XRN2: variants seen among roughly 807,000 people sequenced by gnomAD.
XRN2 encodes 5'-3' exoribonuclease 2.
A neutral mutation model predicts 138.5 loss-of-function variants in XRN2; 44 were observed. The ratio of observed to expected loss-of-function variants is 0.32; its 90% CI spans 0.25 to 0.41. The LOEUF (loss-of-function observed/expected upper bound fraction) is 0.41. Ranked by LOEUF, XRN2 falls within the 10% of genes least tolerant of loss-of-function variation. The pLI is 1.00. For synonymous variants in XRN2, 354 were observed against 369.4 expected (o/e 0.96, Z 0.48); for missense variants, 937 against 1,169.3 (o/e 0.80, Z 2.90).
At chr20:21,359,476 C>T (rs2038612604) in intron 24 of XRN2, among the ~76,000 whole-genome samples, 1 of 149,348 alleles carries the variant, frequency 6.7e-6, no homozygotes. Context: ...GCCGAGGCCT[C>T]AGTGAGCCAA....
intron 28 of XRN2, among the ~76,000 whole-genome samples, chr20:21,384,351 A>G (rs2038915722): frequency 6.6e-6 from 1 of 152,234 alleles, no homozygotes; most frequent in Non-Finnish European, 1.5e-5. Flanking sequence ...CGATTTTACC[A>G]TATGCATACA....
chr20:21,304,459 T>G (rs570133135), intron 1 of XRN2, among the ~76,000 whole-genome samples: 1 of 152,304 alleles, frequency 6.6e-6, no homozygotes, highest in African/African-American at 2.4e-5. Flanking sequence ...ACTGCTAAAT[T>G]GAATACTTGT....
Position 21,340,766 on chromosome 20 carries a change from G to T in XRN2, c.1324G>T (p.Ala442Ser), listed in dbSNP as rs778441866. Residue 442 changes from alanine (A) to serine (S), a missense_variant, in exon 15 of 30, where the codon GCC becomes TCC. By Grantham distance (99) the Ala-to-Ser change is moderately conservative (BLOSUM62 1). Coordinates refer to ENST00000377191, the MANE Select transcript of XRN2 (RefSeq NM_012255.5). ...TCCTAGTGGAATATTAACTCCTCAT[G>T]CCTTGGGTTCAAGAAATTCACCAGG... ...FTPSGILTPH[A>S]LGSRNSPGSQ... 3 of 1,613,930 alleles carry T rather than the reference G, an allele frequency of 1.9e-6. No individual in the cohort carries two copies. Among genetic ancestry groups the T allele is most frequent in the African/African-American group, 1.3e-5 (1 of 75,020 alleles).
At chr20:21,328,291 G>A (rs1197214850) in intron 3 of XRN2, among the ~76,000 whole-genome samples, 1 of 152,108 alleles carries the variant, frequency 6.6e-6, no homozygotes, top group Non-Finnish European at 1.5e-5. Context: ...AGACTGGGAG[G>A]GCTTGAAGTA....
In XRN2 at chr20:21,342,442, G is replaced by A. The variant is rs775755137; in HGVS notation, c.1410+1590G>A. ...TATTTTTGTTGGTAGAGACAGCAGC[G>A]GAGATTTAGCATTAAATGGTGAACA... On this transcript the variant is annotated intron_variant, in intron 15 of 29. Transcript: ENST00000377191. Among the ~76,000 whole-genome samples the A allele has an allele frequency of 1.9e-4, 29 of 152,180 alleles. 1 individual carries two copies. Among genetic ancestry groups the A allele is most frequent in the Admixed American group, 1.5e-3 (23 of 15,274 alleles).
intron 29 of XRN2, among the ~76,000 whole-genome samples, chr20:21,387,459 T>C (rs929014830): frequency 6.6e-6 from 1 of 152,214 alleles, no homozygotes; most frequent in African/African-American, 2.4e-5. Context: ...TCATCTGATA[T>C]CCCTCCTCAT....
chr20:21,370,871 G>A (rs1161552286), intron 27 of XRN2, among the ~76,000 whole-genome samples: 3 of 152,154 alleles, frequency 2.0e-5, no homozygotes, highest in Non-Finnish European at 4.4e-5. Flanking sequence ...TCATGTGCCA[G>A]TGTTTGTTTC....
At chr20:21,389,168 C>T (rs1405776513) in intron 29 of XRN2, 105 bp from the exon 30 acceptor site, 1 of 1,006,978 alleles carries the variant, frequency 9.9e-7, no homozygotes, top group African/African-American at 1.6e-5. Context: ...ACCTTTAACA[C>T]ATACTCAGTT....
chr20:21,337,254 A>G (rs754724317), intron 13 of XRN2, among the ~76,000 whole-genome samples: 1 of 152,254 alleles, frequency 6.6e-6, no homozygotes, highest in Non-Finnish European at 1.5e-5. Flanking sequence ...CCTTTTTTAC[A>G]GTAATCCAAG....
rs562600081 is a variant in XRN2 at position 21,370,254 on chromosome 20, A to G, written c.2584+1664A>G. ...CCGGTACCATACTGTTGTGGTTACT[A>G]TTGCTCTGTAGTATAATTTGAAGTC... On this transcript the variant is annotated intron_variant, in intron 27 of 29. Coordinates refer to ENST00000377191, the MANE Select transcript of XRN2 (RefSeq NM_012255.5). Among the ~76,000 whole-genome samples the G allele has an allele frequency of 1.7e-3, 259 of 152,192 alleles. 1 individual carries two copies. Among genetic ancestry groups the G allele is most frequent in the African/African-American group, 5.6e-3 (233 of 41,552 alleles).
At chr20:21,309,322 TC>T (rs1371757101) in intron 1 of XRN2, among the ~76,000 whole-genome samples, 1 of 152,234 alleles carries the variant, frequency 6.6e-6, no homozygotes. Flanking sequence ...AAATTAAGTT[TC>T]TTTAGTTGAT....
At chr20:21,324,016 G>C (rs2038084717) in intron 1 of XRN2, among the ~76,000 whole-genome samples, 1 of 152,150 alleles carries the variant, frequency 6.6e-6, no homozygotes, top group African/African-American at 2.4e-5. Flanking sequence ...TGGGCCGTTG[G>C]ACAGGATGAA....
chr20:21,373,312 A>G (rs1420067611), intron 27 of XRN2, among the ~76,000 whole-genome samples: 1 of 152,188 alleles, frequency 6.6e-6, no homozygotes. Context: ...CCAGCAGTTC[A>G]TCTGTTTTCA....
chr20:21,341,100 G>A (rs1270960161), intron 15 of XRN2, among the ~76,000 whole-genome samples: 1 of 152,212 alleles, frequency 6.6e-6, no homozygotes, highest in Non-Finnish European at 1.5e-5. Flanking sequence ...ATTCCAGTTT[G>A]GGTGACAGCG....
At chr20:21,374,063 G>T (rs987597004) in intron 27 of XRN2, among the ~76,000 whole-genome samples, 1 of 152,112 alleles carries the variant, frequency 6.6e-6, no homozygotes, top group Non-Finnish European at 1.5e-5. Flanking sequence ...AGGACAAAAA[G>T]AATTAATACT....
At chr20:21,303,626 TG>T in intron 1 of XRN2, 153 bp downstream of exon 1, 1 of 1,362,984 alleles carries the variant, frequency 7.3e-7, no homozygotes, top group Non-Finnish European at 9.4e-7. Flanking sequence ...CCACACGCGA[TG>T]GGACGCGGGC....
At chr20:21,350,640 A>G (rs1198485733) in intron 20 of XRN2, among the ~76,000 whole-genome samples, 1 of 151,074 alleles carries the variant, frequency 6.6e-6, no homozygotes, top group African/African-American at 2.4e-5. Flanking sequence ...TCCACCATAC[A>G]TTTTCCTAGG....
intron 28 of XRN2, among the ~76,000 whole-genome samples, chr20:21,383,821 G>A (rs915731376): frequency 3.9e-5 from 6 of 152,198 alleles, no homozygotes; most frequent in African/African-American, 1.2e-4. Flanking sequence ...TTAGTGACAA[G>A]TTTTGTGGGA....
At chr20:21,386,040 A>G (rs987258643) in intron 28 of XRN2, among the ~76,000 whole-genome samples, 9 of 152,242 alleles carry the variant, frequency 5.9e-5, no homozygotes, top group Non-Finnish European at 8.8e-5. Flanking sequence ...TTTAGAAGGT[A>G]TATCCTTGCT....
Sources: allele counts gnomAD v4.1 joint callset (sites outside exome capture counted in the v4.1 genomes callset), GRCh38; gene constraint gnomAD v4.1.1; transcripts MANE v1.5; gene names NCBI Gene and HGNC (gene_info 2026-07-23, HGNC 2026-07-21).